Variants in MAPKAPK2 observed in about 807,000 individuals in gnomAD.
The protein encoded by MAPKAPK2 is MAP kinase-activated protein kinase 2.
In MAPKAPK2, 9 loss-of-function variants were observed where a neutral mutation model predicts 48.8. The ratio of observed to expected loss-of-function variants is 0.18; its 90% CI spans 0.11 to 0.32. The LOEUF is 0.32. Among genes scored for constraint, MAPKAPK2 ranks in the 10% least tolerant of loss-of-function variants. The pLI, the probability that MAPKAPK2 is intolerant of heterozygous loss-of-function variation, is 1.00. For missense variants in MAPKAPK2, 331 were observed against 498.3 expected, an observed-to-expected ratio of 0.66 and a Z score of 3.20; for synonymous variants, 202 against 190.6, an observed-to-expected ratio of 1.06 and a Z score of -0.49.
At chr1:206,729,594 C>A in intron 4 of MAPKAPK2, 119 bp downstream of exon 4, 1 of 862,384 alleles carries the variant, frequency 1.2e-6, no homozygotes, top group Non-Finnish European at 1.9e-6. Flanking sequence ...CCTGAGCATG[C>A]CATTCTCTGC....
Position 206,732,396 on chromosome 1 carries a change from G to A in MAPKAPK2, c.1060-179G>A, listed in dbSNP as rs1673946899. 1.4e-6 allele frequency: 2 copies of A among 1,454,714 alleles called. No individual in the cohort carries two copies. Among genetic ancestry groups the A allele is most frequent in the East Asian group, 2.5e-5 (1 of 40,268 alleles). The allele number at this position is 1,454,714 out of a possible 1,614,324, so 90.1% of individuals were successfully genotyped here. A position where few individuals can be genotyped will look rare whatever the true frequency, so the allele number is the denominator to read the frequency against. ...GCCAGGCTCTCTGCTGCCCAGCGCT[G>A]GGGTGAGGCTGCCGTTGTCAGCGTG... On this transcript the variant is annotated intron_variant, in intron 9 of 9. Transcript: ENST00000367103. The surrounding 1 kb of genome is among the most constrained non-coding windows in gnomAD (Gnocchi z 4.4).
rs1244786492 is a variant in MAPKAPK2, at chr1:206,685,360, C to A, written c.131C>A (p.Pro44Gln). ...QPPPPPPQQF[P>Q]QFHVKSGLQI... ...CCGCCGCCGCCCCCGCAGCAGTTCC[C>A]GCAGTTCCACGTCAAGTCCGGCCTG... is the stretch of plus-strand genomic sequence containing the variant. The change falls in exon 1 of 10, where the codon CCG becomes CAG. Residue 44 changes from proline (P) to glutamine (Q), a missense_variant. Around this residue, in one of 4 missense-constraint regions of MAPKAPK2, gnomAD observed 93 missense variants for 81.0 expected, o/e 1.15. Transcript: ENST00000367103. 1.3e-6 allele frequency: 2 copies of A among 1,509,204 alleles called. No homozygotes were observed. Among genetic ancestry groups the A allele is most frequent in the Non-Finnish European group, 1.8e-6 (2 of 1,121,720 alleles). 93.5% of individuals were successfully genotyped at this position (1,509,204 alleles called of 1,614,324 possible). A position where few individuals can be genotyped will look rare whatever the true frequency, so the allele number is the denominator to read the frequency against.
intron 1 of MAPKAPK2, among the ~76,000 whole-genome samples, chr1:206,709,964 A>G (rs1003117790): frequency 3.1e-4 from 47 of 152,210 alleles, no homozygotes; most frequent in Admixed American, 2.6e-3. Context: ...GTTGAGAACT[A>G]TTCCCAAGGT....
intron 1 of MAPKAPK2, among the ~76,000 whole-genome samples, chr1:206,714,621 T>G (rs1673267581): frequency 6.6e-6 from 1 of 150,794 alleles, no homozygotes; most frequent in African/African-American, 2.4e-5. Flanking sequence ...AAAAATTAGT[T>G]GGGTGTGGTG....
chr1:206,714,138 C>G, intron 1 of MAPKAPK2, among the ~76,000 whole-genome samples: 1 of 152,158 alleles, frequency 6.6e-6, no homozygotes, highest in South Asian at 2.1e-4. Context: ...TGTCCTAGAT[C>G]CACCAAACAG....
intron 1 of MAPKAPK2, among the ~76,000 whole-genome samples, chr1:206,702,447 C>T (rs1572488306): frequency 6.6e-6 from 1 of 152,154 alleles, no homozygotes; most frequent in South Asian, 2.1e-4. Context: ...TGCTGAGAGC[C>T]AGAGGAAAGG....
Position 206,731,189 on chromosome 1 carries a change from G to C in MAPKAPK2, c.819G>C (p.Pro273=). The change falls in exon 7 of 10, where the codon CCG becomes CCC. Residue 273 remains proline (P), a synonymous_variant. Coordinates refer to ENST00000367103, the MANE Select transcript of MAPKAPK2 (RefSeq NM_032960.4). The surrounding 1 kb of genome is among the most constrained non-coding windows in gnomAD (Gnocchi z 5.9). The part of the protein sequence containing the change: ...FYSNHGLAIS[P]GMKTRIRMGQ... Reference sequence around the variant, plus strand: ...CCAACCACGGCCTTGCCATCTCTCCGGGCATGAAGACTCGCATCCGAATGG... The same window carrying C: ...CCAACCACGGCCTTGCCATCTCTCCCGGCATGAAGACTCGCATCCGAATGG... 1 of 1,614,144 alleles carries C rather than the reference G, an allele frequency of 6.2e-7. No individual in the cohort carries two copies. The highest frequency in any genetic ancestry group is 8.5e-7 in the Non-Finnish European group (1 of 1,180,030).
rs539918196 is a variant in MAPKAPK2, at chr1:206,705,979, C to T, written c.279+20471C>T. On this transcript the variant is annotated intron_variant, in intron 1 of 9. Coordinates refer to ENST00000367103, the MANE Select transcript of MAPKAPK2 (RefSeq NM_032960.4). ...CCTCAACACCCTTCTGGTGCAGCTT[C>T]GCTGTGAGGCAGTGGTTATTTCTCA... 7.2e-5 allele frequency among the ~76,000 whole-genome samples: 11 copies of T among 152,240 alleles called. No homozygotes were observed. The South Asian group carries it at 1.2e-3, about 17-fold the overall frequency.
intron 1 of MAPKAPK2, among the ~76,000 whole-genome samples, chr1:206,713,696 T>C (rs1673230970): frequency 6.6e-6 from 1 of 152,034 alleles, no homozygotes; most frequent in Non-Finnish European, 1.5e-5. Flanking sequence ...TGAAACCCCG[T>C]TTCTACCAAA....
chr1:206,706,393 C>G (rs1672959666), intron 1 of MAPKAPK2, among the ~76,000 whole-genome samples: 1 of 152,068 alleles, frequency 6.6e-6, no homozygotes, highest in Non-Finnish European at 1.5e-5. Flanking sequence ...AGATGCTGCT[C>G]TGCAGTTATC....
In MAPKAPK2 at chr1:206,732,379, C is replaced by T. The variant is rs1673945479; in HGVS notation, c.1060-196C>T. 6.9e-7 allele frequency: 1 copy of T among 1,448,638 alleles called. No individual in the cohort carries two copies. The highest frequency in any genetic ancestry group is 1.5e-5 in the South Asian group (1 of 66,830). 89.7% of individuals were successfully genotyped at this position (1,448,638 alleles called of 1,614,324 possible). ...ACAGCAGCAGTGCCATAGCCAGGCT[C>T]TCTGCTGCCCAGCGCTGGGGTGAGG... On this transcript the variant is annotated intron_variant, in intron 9 of 9. Coordinates refer to ENST00000367103, the MANE Select transcript of MAPKAPK2 (RefSeq NM_032960.4). The surrounding 1 kb of genome is among the most constrained non-coding windows in gnomAD (Gnocchi z 4.4).
At position 206,721,073 on chromosome 1, in the gene MAPKAPK2, G is replaced by T. The variant is rs533460641; in HGVS notation, c.280-7637G>T. ...ATCCCCAGTGTGGGAGGTGGGGCCT[G>T]GTGGGAGGTGTTTGGGCCATGGGGG... is the stretch of plus-strand genomic sequence containing the variant. On this transcript the variant is annotated intron_variant, in intron 1 of 9. Transcript: ENST00000367103. Among the ~76,000 whole-genome samples the T allele has an allele frequency of 3.3e-5, 5 of 152,350 alleles. No individual in the cohort carries two copies. In the South Asian group the frequency reaches 1.0e-3, roughly 32 times the overall value.
rs1244786492 is a variant in MAPKAPK2, at chr1:206,685,360, C to G, written c.131C>G (p.Pro44Arg). The change falls in exon 1 of 10, where the codon CCG becomes CGG. Residue 44 changes from proline to arginine, a missense_variant. Coordinates refer to ENST00000367103, the MANE Select transcript of MAPKAPK2 (RefSeq NM_032960.4). ...CCGCCGCCGCCCCCGCAGCAGTTCC[C>G]GCAGTTCCACGTCAAGTCCGGCCTG... The part of the protein sequence containing the change: ...QPPPPPPQQF[P>R]QFHVKSGLQI... 1 of 1,509,206 alleles carries G rather than the reference C, an allele frequency of 6.6e-7. No individual in the cohort carries two copies. The highest frequency in any genetic ancestry group is 1.9e-5 in the Admixed American group (1 of 52,058). The allele number at this position is 1,509,206 out of a possible 1,614,324, so 93.5% of individuals were successfully genotyped here. A position where few individuals can be genotyped will look rare whatever the true frequency, so the allele number is the denominator to read the frequency against.
At chr1:206,696,163 G>A in intron 1 of MAPKAPK2, 2 of 1,567,156 alleles carry the variant, frequency 1.3e-6, no homozygotes, top group Non-Finnish European at 1.8e-6. Flanking sequence ...GTCATTGAAG[G>A]ATGCAAAGAT....
At chr1:206,698,931 C>G (rs1012321286) in intron 1 of MAPKAPK2, among the ~76,000 whole-genome samples, 6 of 152,206 alleles carry the variant, frequency 3.9e-5, no homozygotes, top group Non-Finnish European at 7.3e-5. Flanking sequence ...TAGGCTCCCT[C>G]CAGCTCACAG....
intron 1 of MAPKAPK2, among the ~76,000 whole-genome samples, chr1:206,702,843 T>G (rs1313048326): frequency 6.6e-6 from 1 of 152,224 alleles, no homozygotes; most frequent in Non-Finnish European, 1.5e-5. Flanking sequence ...TTACATTTGC[T>G]TATCTTCAGT....
intron 1 of MAPKAPK2, among the ~76,000 whole-genome samples, chr1:206,705,470 G>A (rs1401136097): frequency 6.6e-6 from 1 of 152,226 alleles, no homozygotes; most frequent in Non-Finnish European, 1.5e-5. Flanking sequence ...ATTGGACAAG[G>A]GAGAGGCTGG....
chr1:206,728,930 G>A, intron 2 of MAPKAPK2, 81 bp downstream of exon 2: 1 of 1,611,218 alleles, frequency 6.2e-7, no homozygotes, highest in Admixed American at 1.7e-5. Flanking sequence ...GACAGCCCAG[G>A]GATGGGCCTG....
intron 1 of MAPKAPK2, among the ~76,000 whole-genome samples, chr1:206,699,972 C>G (rs1672745779): frequency 7.0e-6 from 1 of 143,352 alleles, no homozygotes; most frequent in South Asian, 2.3e-4. Context: ...CTCTCTCTCT[C>G]TTCTTTTTTT....
Sources: allele counts gnomAD v4.1 joint callset (sites outside exome capture counted in the v4.1 genomes callset), GRCh38; gene constraint gnomAD v4.1.1; regional missense constraint gnomAD v4.1.1; non-coding constraint Gnocchi (gnomAD v3.1); transcripts MANE v1.5; gene names NCBI Gene and HGNC (gene_info 2026-07-23, HGNC 2026-07-21).